CTAGE1: variants seen among roughly 807,000 people sequenced by gnomAD.
The protein encoded by CTAGE1 is cTAGE family member 2.
For synonymous variants in CTAGE1, 332 were observed against 302.8 expected (o/e 1.10, Z -1.00); for missense variants, 963 against 855.9 (o/e 1.13, Z -1.56).
chr18:22,417,545 C>A lies in CTAGE1; in HGVS notation c.267G>T (p.Lys89Asn). 6.2e-7 allele frequency: 1 copy of A among 1,613,992 alleles called. No individual in the cohort carries two copies. Among genetic ancestry groups the A allele is most frequent in the Non-Finnish European group, 8.5e-7 (1 of 1,179,862 alleles). The change falls in exon 1 of 1, where the codon AAG becomes AAT. Residue 89 changes from lysine (K) to asparagine (N), a missense_variant. Lys to Asn is a moderately conservative substitution (Grantham distance 94). Coordinates refer to ENST00000391403, the MANE Select transcript of CTAGE1 (RefSeq NM_172241.3). ...ESSLKNASFE[K>N]EATEAQSLEA... ...CCAAACTTTGTGCTTCTGTTGCCTC[C>A]TTCTCAAAGCTGGCATTCTTTAAAG...
In CTAGE1 at chr18:22,417,314, T is replaced by A. The variant is rs772606152; in HGVS notation, c.498A>T (p.Arg166Ser). ...CCAACCGTTCTTCATTCGCTTGAAA[T>A]CTCTTGAAGGTCATTTTGGCTTCAG... ...QVAEAKMTFK[R>S]FQANEERLEI... Residue 166 changes from arginine (R) to serine (S), a missense_variant, in exon 1 of 1, where the codon AGA becomes AGT. By Grantham distance (110) the Arg-to-Ser change is moderately radical (BLOSUM62 -1). Coordinates refer to ENST00000391403, the MANE Select transcript of CTAGE1 (RefSeq NM_172241.3). 16 of 1,613,878 alleles carry A rather than the reference T, an allele frequency of 9.9e-6. No individual in the cohort carries two copies. Among genetic ancestry groups the A allele is most frequent in the South Asian group, 9.9e-5 (9 of 91,082 alleles).
In CTAGE1 at chr18:22,417,472, C is replaced by A; in HGVS notation, c.340G>T (p.Glu114Ter). 1 of 1,613,992 alleles carries A rather than the reference C, an allele frequency of 6.2e-7. No individual in the cohort carries two copies. ...AACTCTTTTTCTAGACAGAGTATTT[C>A]ATGCACAAGTTCAGAATTGAACCTG... ...LNRFNSELVH[E>*]ILCLEKELKE... Residue 114 changes from glutamate to a stop codon, truncating the protein, a stop_gained, in exon 1 of 1, where the codon GAA becomes TAA. Transcript: ENST00000391403. LOFTEE classifies it low-confidence loss of function (END_TRUNC).
chr18:22,415,587 G>A lies in CTAGE1; in HGVS notation c.2225C>T (p.Ala742Val), dbSNP rs550845102. 4 of 1,603,456 alleles carry A rather than the reference G, an allele frequency of 2.5e-6. No individual in the cohort carries two copies. The highest frequency in any genetic ancestry group is 2.6e-6 in the Non-Finnish European group (3 of 1,174,406). Residue 742 changes from alanine (A) to valine (V), a missense_variant, in exon 1 of 1, where the codon GCC becomes GTC. Transcript: ENST00000391403. ...RPPRPAFFPP[A>V]PTF ...CTCATTCTACCTTCAGAATGTGGGG[G>A]CTGGGGGGAAAAATGCAGGTCTTGG...
rs755538577 is a variant in CTAGE1 at position 22,415,597 on chromosome 18, A to T, written c.2215T>A (p.Phe739Ile). 9.3e-6 allele frequency: 15 copies of T among 1,607,010 alleles called. No individual in the cohort carries two copies. Among genetic ancestry groups the T allele is most frequent in the East Asian group, 2.2e-5 (1 of 44,818 alleles). ...CTTCAGAATGTGGGGGCTGGGGGGAAAAATGCAGGTCTTGGGGGACGGTAA... is the reference window on the plus strand; with the variant it reads ...CTTCAGAATGTGGGGGCTGGGGGGATAAATGCAGGTCTTGGGGGACGGTAA... ...LPYRPPRPAFFPPAPTF is the reference protein window; with the variant it reads ...LPYRPPRPAFIPPAPTF Residue 739 changes from phenylalanine (F) to isoleucine (I), a missense_variant, in exon 1 of 1, where the codon TTC becomes ATC. By Grantham distance (21) the Phe-to-Ile change is conservative (BLOSUM62 0). Transcript: ENST00000391403.
At position 22,416,572 on chromosome 18, in the gene CTAGE1, T is replaced by C; in HGVS notation, c.1240A>G (p.Thr414Ala). 1.2e-6 allele frequency: 2 copies of C among 1,610,258 alleles called. No individual in the cohort carries two copies. The highest frequency in any genetic ancestry group is 1.1e-5 in the South Asian group (1 of 89,430). The stretch of plus-strand genomic sequence containing the variant: ...ATCTTCTTTTGATAAAAATGAATAG[T>C]TTTCTCAAATTCTTTAAGATCTTTG... Reference protein sequence around the residue: ...RAKDLKEFEKTIHFYQKKIIL... With the variant: ...RAKDLKEFEKAIHFYQKKIIL... The change falls in exon 1 of 1, where the codon ACT (threonine) becomes GCT (alanine). Residue 414 changes from threonine (T) to alanine (A), a missense_variant. Physicochemically the swap from Thr to Ala is moderately conservative, Grantham distance 58. Coordinates refer to ENST00000391403, the MANE Select transcript of CTAGE1 (RefSeq NM_172241.3).
Position 22,417,361 on chromosome 18 carries a change from T to C in CTAGE1, c.451A>G (p.Lys151Glu). The change falls in exon 1 of 1, where the codon AAA (lysine) becomes GAA (glutamate). Residue 151 changes from lysine (K) to glutamate (E), a missense_variant. Physicochemically the swap from Lys to Glu is moderately conservative, Grantham distance 56 (BLOSUM62 1). Coordinates refer to ENST00000391403, the MANE Select transcript of CTAGE1 (RefSeq NM_172241.3). ...TCAGCTACTTGTGATTTGAGGGATT[T>C]TGACTCATCTTCTAGCGACTGTATC... The part of the protein sequence containing the change: ...KRIQSLEDES[K>E]SLKSQVAEAK... The C allele has an allele frequency of 6.2e-7, 1 of 1,614,012 alleles. No homozygotes were observed. The highest frequency in any genetic ancestry group is 8.5e-7 in the Non-Finnish European group (1 of 1,179,864).
rs2143790834 is a variant in CTAGE1, at chr18:22,415,443, G to A, written c.*131C>T. On this transcript the variant is annotated 3_prime_UTR_variant, in exon 1 of 1. Coordinates refer to ENST00000391403, the MANE Select transcript of CTAGE1 (RefSeq NM_172241.3). ...TTAAGTAACAGCAGTTACTTAAACT[G>A]AAAATGAGATCAGTCAAAATTACTT... The A allele has an allele frequency of 9.3e-6, 7 of 754,716 alleles. No individual in the cohort carries two copies. In the South Asian group the frequency reaches 1.4e-4, roughly 15 times the overall value. The allele number at this position is 754,716 out of a possible 1,614,324, so 46.8% of individuals were successfully genotyped here.
chr18:22,416,703 A>T lies in CTAGE1; in HGVS notation c.1109T>A (p.Leu370Ter), dbSNP rs773249744. ...TAACCGGCATTTTTCCTCTACTATT[A>T]ATTTCCTGTAGAGTTTCATTTCATT... Reference protein sequence around the residue: ...QENEMKLYRKLIVEEKCRLEK... With the variant: ...QENEMKLYRK The change falls in exon 1 of 1, where the codon TTA becomes TAA. Residue 370 changes from leucine to a stop codon, truncating the protein, a stop_gained. Transcript: ENST00000391403. LOFTEE classifies it low-confidence loss of function (END_TRUNC). The T allele has an allele frequency of 6.2e-7, 1 of 1,613,292 alleles. No homozygotes were observed. Among genetic ancestry groups the T allele is most frequent in the East Asian group, 2.2e-5 (1 of 44,862 alleles).
Position 22,417,481 on chromosome 18 carries a change from G to C in CTAGE1, c.331C>G (p.Leu111Val), listed in dbSNP as rs374980447. 6 of 1,613,968 alleles carry C rather than the reference G, an allele frequency of 3.7e-6. No individual in the cohort carries two copies. The highest frequency in any genetic ancestry group is 5.1e-6 in the Non-Finnish European group (6 of 1,179,852). The change falls in exon 1 of 1, where the codon CTT (leucine) becomes GTT (valine). Residue 111 changes from leucine to valine, a missense_variant. By Grantham distance (32) the Leu-to-Val change is conservative (BLOSUM62 1). Transcript: ENST00000391403. ...TCTAGACAGAGTATTTCATGCACAAGTTCAGAATTGAACCTGTTCAGCTTT... is the reference window on the plus strand; with the variant it reads ...TCTAGACAGAGTATTTCATGCACAACTTCAGAATTGAACCTGTTCAGCTTT... ...CEKLNRFNSE[L>V]VHEILCLEKE...
In CTAGE1 at chr18:22,416,456, G is replaced by C; in HGVS notation, c.1356C>G (p.His452Gln). The C allele has an allele frequency of 6.2e-7, 1 of 1,613,968 alleles. No homozygotes were observed. The change falls in exon 1 of 1, where the codon CAC becomes CAG. Residue 452 changes from histidine to glutamine, a missense_variant. By Grantham distance (24) the His-to-Gln change is conservative. Coordinates refer to ENST00000391403, the MANE Select transcript of CTAGE1 (RefSeq NM_172241.3). ...NLNDLRKENA[H>Q]NRQKLTEIEF... ...CTATTTCAGTTAATTTTTGTCTGTT[G>C]TGAGCATTTTCTTTCCTTAAATCAT... is the stretch of plus-strand genomic sequence containing the variant.
chr18:22,414,240 T>A lies in CTAGE1; in HGVS notation c.*1334A>T, dbSNP rs1437633894. ...AAAAAATCACCAGGAGTTAAATTTT[T>A]CCACTAGCAAATAGGGCTTTAACAG... On this transcript the variant is annotated 3_prime_UTR_variant, in exon 1 of 1. Transcript: ENST00000391403. 1 of 155,644 alleles carries A rather than the reference T, an allele frequency of 6.4e-6. No homozygotes were observed. The highest frequency in any genetic ancestry group is 1.4e-5 in the Non-Finnish European group (1 of 70,570). The allele number at this position is 155,644 out of a possible 1,614,324, so 9.6% of individuals were successfully genotyped here.
Position 22,415,732 on chromosome 18 carries a change from C to T in CTAGE1, c.2080G>A (p.Gly694Arg). ...RGPPFPPPPPGTVFGASPDYF... is the reference protein window; with the variant it reads ...RGPPFPPPPPRTVFGASPDYF... ...TCTGGAGAAGCTCCAAACACGGTTC[C>T]TGGAGGAGGTGGGGGGAAAGGAGGT... The change falls in exon 1 of 1, where the codon GGA (glycine) becomes AGA (arginine). Residue 694 changes from glycine to arginine, a missense_variant. Coordinates refer to ENST00000391403, the MANE Select transcript of CTAGE1 (RefSeq NM_172241.3). The T allele has an allele frequency of 6.2e-7, 1 of 1,614,006 alleles. No homozygotes were observed. The highest frequency in any genetic ancestry group is 2.2e-5 in the East Asian group (1 of 44,880).
chr18:22,415,617 C>T lies in CTAGE1; in HGVS notation c.2195G>A (p.Arg732His), dbSNP rs779890809. 12 of 1,612,288 alleles carry T rather than the reference C, an allele frequency of 7.4e-6. No homozygotes were observed. Among genetic ancestry groups the T allele is most frequent in the Middle Eastern group, 1.6e-4 (1 of 6,084 alleles). ...GGGGAAAAATGCAGGTCTTGGGGGA[C>T]GGTAAGGAAGAAAACCTCTCGGTAA... is the stretch of plus-strand genomic sequence containing the variant. ...VYLPRGFLPY[R>H]PPRPAFFPPA... The change falls in exon 1 of 1, where the codon CGT becomes CAT. Residue 732 changes from arginine (R) to histidine (H), a missense_variant. By Grantham distance (29) the Arg-to-His change is conservative. Transcript: ENST00000391403.
At position 22,416,392 on chromosome 18, in the gene CTAGE1, G is replaced by C. The variant is rs2035015876; in HGVS notation, c.1420C>G (p.Leu474Val). The C allele has an allele frequency of 1.1e-5, 17 of 1,613,828 alleles. No individual in the cohort carries two copies. Among genetic ancestry groups the C allele is most frequent in the Middle Eastern group, 3.3e-4 (2 of 6,054 alleles). ...CCAAATGCTGTATTTGGAACATCAAGTCCATAAGGATCTTTTTCTAAAAGT... is the reference window on the plus strand; with the variant it reads ...CCAAATGCTGTATTTGGAACATCAACTCCATAAGGATCTTTTTCTAAAAGT... ...IKLLEKDPYG[L>V]DVPNTAFGRQ... is the part of the protein sequence containing the mutation. Residue 474 changes from leucine (L) to valine (V), a missense_variant, in exon 1 of 1, where the codon CTT becomes GTT. Leu to Val is a conservative substitution (Grantham distance 32, BLOSUM62 1). Transcript: ENST00000391403.
chr18:22,415,300 TA>T lies in CTAGE1; in HGVS notation c.*273del. On this transcript the variant is annotated 3_prime_UTR_variant, in exon 1 of 1. Transcript: ENST00000391403. Reference sequence around the variant, plus strand: ...AAATTAAAAGTTATACTATCTAGAATAAAATAAAATGAAATAATTTACTCAT... The same window carrying T: ...AAATTAAAAGTTATACTATCTAGAATAAATAAAATGAAATAATTTACTCAT... 1 of 380,076 alleles carries T rather than the reference TA, an allele frequency of 2.6e-6. No individual in the cohort carries two copies. The highest frequency in any genetic ancestry group is 4.7e-5 in the East Asian group (1 of 21,232). The allele number at this position is 380,076 out of a possible 1,614,324, so 23.5% of individuals were successfully genotyped here.
At position 22,417,240 on chromosome 18, in the gene CTAGE1, C is replaced by T. The variant is rs1426672771; in HGVS notation, c.572G>A (p.Ser191Asn). ...AGCTTCTTGCAAAAGCTGTTTCTGG[C>T]TTTCCTGAAGTTCAGAATTTTCTTT... ...AWKENSELQE[S>N]QKQLLQEAEV... The change falls in exon 1 of 1, where the codon AGC (serine) becomes AAC (asparagine). Residue 191 changes from serine to asparagine, a missense_variant. Ser to Asn is a conservative substitution (Grantham distance 46, BLOSUM62 1). Coordinates refer to ENST00000391403, the MANE Select transcript of CTAGE1 (RefSeq NM_172241.3). 2 of 1,613,944 alleles carry T rather than the reference C, an allele frequency of 1.2e-6. No homozygotes were observed. Among genetic ancestry groups the T allele is most frequent in the Admixed American group, 1.7e-5 (1 of 60,016 alleles).
At position 22,416,527 on chromosome 18, in the gene CTAGE1, C is replaced by A. The variant is rs2035017385; in HGVS notation, c.1285G>T (p.Ala429Ser). 1.9e-6 allele frequency: 3 copies of A among 1,612,970 alleles called. No homozygotes were observed. The South Asian group carries it at 3.3e-5, about 18-fold the overall frequency. ...QKKIILHEKK[A>S]HDNWSAAWTA... ...CAAGCTGCCGACCAATTATCATGTG[C>A]TTTTTTCTCATGGAGAATAATCTTC... Residue 429 changes from alanine to serine, a missense_variant, in exon 1 of 1, where the codon GCA (alanine) becomes TCA (serine). Ala to Ser is a moderately conservative substitution (Grantham distance 99). Coordinates refer to ENST00000391403, the MANE Select transcript of CTAGE1 (RefSeq NM_172241.3).
chr18:22,416,238 C>T lies in CTAGE1; in HGVS notation c.1574G>A (p.Gly525Glu), dbSNP rs1476325451. The change falls in exon 1 of 1, where the codon GGA becomes GAA. Residue 525 changes from glycine to glutamate, a missense_variant. By Grantham distance (98) the Gly-to-Glu change is moderately conservative. Transcript: ENST00000391403. ...ATTCCCTGGGCCTCTGGAGCCTCTT[C>T]CTCCTCCCCGTGGAAGCAAAGGTGA... ...RLSPLLPRGGGRGSRGPGNPP... is the reference protein window; with the variant it reads ...RLSPLLPRGGERGSRGPGNPP... 3.1e-6 allele frequency: 5 copies of T among 1,613,938 alleles called. No homozygotes were observed. The South Asian group carries it at 5.5e-5, about 18-fold the overall frequency.
chr18:22,416,805 G>C lies in CTAGE1; in HGVS notation c.1007C>G (p.Ser336Ter). The C allele has an allele frequency of 1.2e-6, 2 of 1,612,408 alleles. No homozygotes were observed. Among genetic ancestry groups the C allele is most frequent in the Non-Finnish European group, 1.7e-6 (2 of 1,179,816 alleles). ...CTCACTTTCAAAATGTGTGTTTTCT[G>C]ACTGCAAAGATGCTTGTTCAGTCTG... ...NLQTEQASLQ[S>*]ENTHFESENQ... is the part of the protein sequence containing the mutation. The change falls in exon 1 of 1, where the codon TCA (serine) becomes TGA (stop). Residue 336 changes from serine to a stop codon, truncating the protein, a stop_gained. Transcript: ENST00000391403. LOFTEE classifies it low-confidence loss of function (END_TRUNC).
Sources: gnomAD v4.1 joint callset for allele counts on GRCh38, gnomAD v4.1.1 for gene constraint, MANE v1.5 for transcripts, NCBI Gene and HGNC (gene_info 2026-07-23, HGNC 2026-07-21) for gene names.